SLC9A9: variants seen among roughly 807,000 people sequenced by gnomAD.
The protein encoded by SLC9A9 is sodium/hydrogen exchanger 9.
In SLC9A9, 62 loss-of-function variants were observed where a neutral mutation model predicts 77.8. The observed-to-expected ratio is 0.80, with a 90% confidence interval of 0.65 to 0.98. The LOEUF (loss-of-function observed/expected upper bound fraction) is 0.98. Among genes scored for constraint, SLC9A9 ranks in the 50% least tolerant of loss-of-function variants. The probability of loss-of-function intolerance (pLI) is 0.00; values close to 1 mark genes in which losing one functional copy is unlikely to be tolerated. For missense variants in SLC9A9, 775 were observed against 774.9 expected, an observed-to-expected ratio of 1.00 and a Z score of 0.00; for synonymous variants, 320 against 283.5, an observed-to-expected ratio of 1.13 and a Z score of -1.29.
intron 6 of SLC9A9, among the ~76,000 whole-genome samples, chr3:143,585,649 T>C (rs1296743799): frequency 6.6e-6 from 1 of 152,334 alleles, no homozygotes; most frequent in African/African-American, 2.4e-5. Flanking sequence ...CTGTCACAGA[T>C]ATTTTGGGCT....
intron 6 of SLC9A9, among the ~76,000 whole-genome samples, chr3:143,600,708 T>A (rs1379138518): frequency 6.6e-6 from 1 of 152,148 alleles, no homozygotes; most frequent in Non-Finnish European, 1.5e-5. Flanking sequence ...AAGGAAAGAA[T>A]TAGGAAATTA....
chr3:143,808,166 T>C (rs2008773960), intron 2 of SLC9A9, among the ~76,000 whole-genome samples: 1 of 152,230 alleles, frequency 6.6e-6, no homozygotes, highest in Admixed American at 6.5e-5. Context: ...TGCTAAATCA[T>C]AGCTGCTCAT....
chr3:143,653,291 C>T (rs961866764), intron 5 of SLC9A9, among the ~76,000 whole-genome samples: 1 of 152,158 alleles, frequency 6.6e-6, no homozygotes, highest in Non-Finnish European at 1.5e-5. Context: ...AATACTCACA[C>T]ACTGATTATC....
intron 12 of SLC9A9, among the ~76,000 whole-genome samples, chr3:143,388,454 G>T (rs1056008252): frequency 9.2e-5 from 14 of 152,162 alleles, no homozygotes; most frequent in African/African-American, 3.4e-4. Context: ...CTATAACTTT[G>T]AGACAAATTA....
At chr3:143,584,104 A>T (rs1308665615) in intron 6 of SLC9A9, among the ~76,000 whole-genome samples, 4 of 152,174 alleles carry the variant, frequency 2.6e-5, no homozygotes, top group Non-Finnish European at 1.5e-5. Flanking sequence ...ATGGCACCAC[A>T]ACAATGCCCT....
At chr3:143,304,357 CAT>C (rs2030680303) in intron 14 of SLC9A9, among the ~76,000 whole-genome samples, 1 of 152,200 alleles carries the variant, frequency 6.6e-6, no homozygotes, top group Non-Finnish European at 1.5e-5. Flanking sequence ...CTAGGAGGCG[CAT>C]ATGTTTGACT....
At chr3:143,644,134 A>C (rs1479025010) in intron 6 of SLC9A9, among the ~76,000 whole-genome samples, 4 of 152,218 alleles carry the variant, frequency 2.6e-5, no homozygotes, top group Non-Finnish European at 5.9e-5. Flanking sequence ...TTGAAGTCTT[A>C]AGCCTGGCAT....
chr3:143,510,242 C>T (rs1388763753), intron 9 of SLC9A9, among the ~76,000 whole-genome samples: 1 of 152,084 alleles, frequency 6.6e-6, no homozygotes. Context: ...TTGCCAATGT[C>T]TTTAATCTCA....
At chr3:143,811,353 G>T (rs1289086264) in intron 2 of SLC9A9, among the ~76,000 whole-genome samples, 2 of 152,094 alleles carry the variant, frequency 1.3e-5, no homozygotes. Flanking sequence ...AGAGAAAAAA[G>T]AATACTCTCA....
intron 8 of SLC9A9, among the ~76,000 whole-genome samples, chr3:143,560,929 C>T (rs1576577763): frequency 6.6e-6 from 1 of 152,090 alleles, no homozygotes; most frequent in African/African-American, 2.4e-5. Flanking sequence ...GCCTGTAATC[C>T]CAGCACTTTG....
intron 8 of SLC9A9, among the ~76,000 whole-genome samples, chr3:143,563,807 A>G (rs1435221914): frequency 1.3e-5 from 2 of 152,162 alleles, no homozygotes; most frequent in Non-Finnish European, 1.5e-5. Flanking sequence ...GCACCTTCCA[A>G]TTATAAATGT....
In SLC9A9 at chr3:143,837,504, T is replaced by G. The variant is rs141936810; in HGVS notation, c.176-5283A>C. Reference sequence around the variant, plus strand: ...ATGAGGCATCGCCAATTCTCTAAAATAAGAAGATATAGCCTCAAACCATGT... The same window carrying G: ...ATGAGGCATCGCCAATTCTCTAAAAGAAGAAGATATAGCCTCAAACCATGT... On this transcript the variant is annotated intron_variant, in intron 1 of 15. Coordinates refer to ENST00000316549, the MANE Select transcript of SLC9A9 (RefSeq NM_173653.4). Among the ~76,000 whole-genome samples, 331 of 152,294 alleles carry G rather than the reference T, an allele frequency of 2.2e-3. 2 individuals carry two copies. Among genetic ancestry groups the G allele is most frequent in the Non-Finnish European group, 3.6e-3 (245 of 68,014 alleles).
intron 6 of SLC9A9, among the ~76,000 whole-genome samples, chr3:143,638,005 T>C (rs2038555248): frequency 6.6e-6 from 1 of 152,200 alleles, no homozygotes; most frequent in Non-Finnish European, 1.5e-5. Flanking sequence ...GTTATGCTAA[T>C]GAAAAGGCTA....
intron 14 of SLC9A9, among the ~76,000 whole-genome samples, chr3:143,361,137 G>A (rs937483238): frequency 2.6e-5 from 4 of 152,250 alleles, no homozygotes; most frequent in Non-Finnish European, 5.9e-5. Context: ...AAATCTATAT[G>A]TATATGATAT....
At chr3:143,503,958 C>T (rs1230785402) in intron 9 of SLC9A9, 1 of 385,688 alleles carries the variant, frequency 2.6e-6, no homozygotes, top group African/African-American at 2.1e-5. Flanking sequence ...CAGCCTTCTC[C>T]ATGGTAGTTA....
chr3:143,486,100 G>A (rs1396339887), intron 11 of SLC9A9, among the ~76,000 whole-genome samples: 1 of 151,986 alleles, frequency 6.6e-6, no homozygotes, highest in Non-Finnish European at 1.5e-5. Flanking sequence ...AAACTTTGGA[G>A]GTCAGAAGGC....
intron 14 of SLC9A9, among the ~76,000 whole-genome samples, chr3:143,340,573 TAG>T (rs1342721946): frequency 6.6e-6 from 1 of 152,186 alleles, no homozygotes; most frequent in Non-Finnish European, 1.5e-5. Flanking sequence ...AAGAGACTCT[TAG>T]AGAGGTTTCA....
intron 6 of SLC9A9, among the ~76,000 whole-genome samples, chr3:143,583,732 T>C (rs958931183): frequency 6.6e-6 from 1 of 152,220 alleles, no homozygotes; most frequent in African/African-American, 2.4e-5. Context: ...AAGAACTAGA[T>C]AAGCATTTCT....
At chr3:143,816,784 G>A (rs6794755) in intron 2 of SLC9A9, among the ~76,000 whole-genome samples, 40,037 of 152,008 alleles carry the variant, frequency 0.26, 5,281 homozygotes, top group South Asian at 0.36. Flanking sequence ...AAGTGTAAGA[G>A]TATTTCCCCA....
Sources: allele counts gnomAD v4.1 joint callset (sites outside exome capture counted in the v4.1 genomes callset), GRCh38; gene constraint gnomAD v4.1.1; transcripts MANE v1.5; gene names NCBI Gene and HGNC (gene_info 2026-07-23, HGNC 2026-07-21).